CNKSR2: variants seen among roughly 807,000 people sequenced by gnomAD.
CNKSR2 encodes connector enhancer of kinase suppressor of Ras 2.
A neutral mutation model predicts 84.4 loss-of-function variants in CNKSR2; 14 were observed. That is an observed-to-expected ratio of 0.17 (90% CI 0.11 to 0.26). CNKSR2 has a LOEUF of 0.26. Among genes scored for constraint, CNKSR2 ranks in the 10% least tolerant of loss-of-function variants. The pLI is 1.00. For missense variants in CNKSR2, 485 were observed against 771.2 expected (o/e 0.63, Z 4.40); for synonymous variants, 275 against 277.9 (o/e 0.99, Z 0.10).
chrX:21,404,379 C>T (rs944664893), intron 1 of CNKSR2, among the ~76,000 whole-genome samples: 4 of 111,424 alleles, frequency 3.6e-5, no homozygotes, highest in African/African-American at 1.3e-4. Context: ...TTGTATCTTG[C>T]TTGGGAAGAC....
intron 11 of CNKSR2, among the ~76,000 whole-genome samples, chrX:21,539,216 C>G (rs2091955633): frequency 9.0e-6 from 1 of 111,598 alleles, no homozygotes; most frequent in Admixed American, 9.5e-5. Context: ...TCTTTTATCT[C>G]TGACTGGATT....
intron 11 of CNKSR2, among the ~76,000 whole-genome samples, chrX:21,560,524 A>G (rs1420806306): frequency 9.0e-6 from 1 of 111,290 alleles, no homozygotes; most frequent in African/African-American, 3.3e-5. Flanking sequence ...TGACATATAA[A>G]TGTTTATAAT....
At chrX:21,390,434 A>G (rs1220128288) in intron 1 of CNKSR2, among the ~76,000 whole-genome samples, 2 of 111,186 alleles carry the variant, frequency 1.8e-5, no homozygotes, top group South Asian at 3.9e-4. Context: ...ACTTTCAATC[A>G]TGGCGGAAGG....
intron 13 of CNKSR2, among the ~76,000 whole-genome samples, chrX:21,572,846 T>G (rs1313764426): frequency 3.6e-5 from 4 of 111,062 alleles, no homozygotes; most frequent in Non-Finnish European, 7.6e-5. Context: ...CCCTCCCAAA[T>G]TTCATGTCCT....
chrX:21,609,807 T>C lies in CNKSR2; in HGVS notation c.2692+190T>C, dbSNP rs746094227. On this transcript the variant is annotated intron_variant, in intron 20 of 21. Coordinates refer to ENST00000379510, the MANE Select transcript of CNKSR2 (RefSeq NM_014927.5). ...TAACTTGGGAAAACATGATGAGTAA[T>C]GAAGCTTATAATCTCAAGATACCCA... Among the ~76,000 whole-genome samples the C allele has an allele frequency of 3.6e-5, 4 of 111,797 alleles. No homozygotes were observed. In the South Asian group the frequency reaches 1.5e-3, roughly 42 times the overall value.
At chrX:21,520,932 T>G (rs1454320245) in intron 9 of CNKSR2, among the ~76,000 whole-genome samples, 1 of 110,311 alleles carries the variant, frequency 9.1e-6, no homozygotes, top group African/African-American at 3.3e-5. Context: ...TAACATTACC[T>G]TGATGCCATT....
intron 20 of CNKSR2, among the ~76,000 whole-genome samples, chrX:21,618,280 G>A (rs958571631): frequency 2.7e-5 from 3 of 110,881 alleles, no homozygotes; most frequent in Non-Finnish European, 3.8e-5. Flanking sequence ...TTCTTATGCC[G>A]TGCCGTAGGT....
chrX:21,410,579 T>C (rs1313876573), intron 1 of CNKSR2, among the ~76,000 whole-genome samples: 11 of 111,578 alleles, frequency 9.9e-5, no homozygotes, highest in Non-Finnish European at 2.1e-4. Context: ...GAAATGGCTG[T>C]TGTACGAATG....
chrX:21,383,195 A>G (rs908599188), intron 1 of CNKSR2, among the ~76,000 whole-genome samples: 1 of 112,567 alleles, frequency 8.9e-6, no homozygotes, highest in Non-Finnish European at 1.9e-5. Flanking sequence ...GCAAACAACT[A>G]TTCTACAAGA....
rs773720931 is a variant in CNKSR2, at chrX:21,591,964, G to A, written c.1830+770G>A. On this transcript the variant is annotated intron_variant, in intron 15 of 21. Transcript: ENST00000379510. ...CCTTATTTTATAAAAAATGTACATG[G>A]CTTAATGTAGTGTGCTGGGTGAATA... 4 of 111,469 alleles carry A rather than the reference G, an allele frequency of 3.6e-5. No homozygotes were observed. The East Asian group carries it at 1.1e-3, about 31-fold the overall frequency. 9.2% of individuals were successfully genotyped at this position (111,469 alleles called of 1,213,427 possible).
chrX:21,528,368 G>A (rs908169754), intron 10 of CNKSR2, among the ~76,000 whole-genome samples: 15 of 110,990 alleles, frequency 1.4e-4, no homozygotes, highest in Non-Finnish European at 1.9e-5. Flanking sequence ...TATTTAAAAG[G>A]CCTTATTCTT....
intron 4 of CNKSR2, among the ~76,000 whole-genome samples, chrX:21,468,355 A>G (rs987032702): frequency 2.7e-5 from 3 of 111,531 alleles, no homozygotes; most frequent in East Asian, 2.8e-4. Context: ...CATCAAACAT[A>G]TATTTAATAG....
intron 19 of CNKSR2, among the ~76,000 whole-genome samples, chrX:21,607,185 A>G (rs2092522525): frequency 8.9e-6 from 1 of 112,134 alleles, no homozygotes; most frequent in African/African-American, 3.2e-5. Context: ...GTTTTCTTAG[A>G]AAAAGGTATA....
At chrX:21,489,416 A>G (rs758666184) in intron 5 of CNKSR2, among the ~76,000 whole-genome samples, 3 of 111,349 alleles carry the variant, frequency 2.7e-5, no homozygotes, top group Non-Finnish European at 5.7e-5. Flanking sequence ...TAATACCTTG[A>G]TTGCAAAATA....
At chrX:21,498,426 CTG>C (rs1031478073) in intron 7 of CNKSR2, among the ~76,000 whole-genome samples, 1 of 111,760 alleles carries the variant, frequency 8.9e-6, no homozygotes, top group Non-Finnish European at 1.9e-5. Context: ...ACAAGTGAAT[CTG>C]AGGCATATTT....
intron 9 of CNKSR2, among the ~76,000 whole-genome samples, chrX:21,526,197 G>A (rs1162644233): frequency 9.0e-6 from 1 of 111,150 alleles, no homozygotes; most frequent in African/African-American, 3.3e-5. Flanking sequence ...AGATAAATGT[G>A]TGTGCCTATG....
intron 10 of CNKSR2, 64 bp from the exon 11 acceptor site, chrX:21,531,792 C>A: frequency 2.7e-6 from 2 of 735,996 alleles, no homozygotes; most frequent in South Asian, 5.2e-5. Flanking sequence ...GTATTTTAGA[C>A]CCTCGGCCAT....
intron 13 of CNKSR2, among the ~76,000 whole-genome samples, chrX:21,585,908 A>G (rs1224007570): frequency 4.5e-5 from 5 of 112,004 alleles, no homozygotes; most frequent in African/African-American, 1.6e-4. Context: ...AAATGCTAAC[A>G]AGAGAAATCC....
intron 20 of CNKSR2, chrX:21,641,798 AGG>A: frequency 1.0e-6 from 1 of 996,322 alleles, no homozygotes; most frequent in Non-Finnish European, 1.3e-6. Context: ...GGGATATAAG[AGG>A]GGCAGGCCAC....
Sources: allele counts gnomAD v4.1 joint callset (sites outside exome capture counted in the v4.1 genomes callset), GRCh38; gene constraint gnomAD v4.1.1; transcripts MANE v1.5; gene names NCBI Gene and HGNC (gene_info 2026-07-23, HGNC 2026-07-21).